RNF111: variants seen among roughly 807,000 people sequenced by gnomAD.
RNF111 encodes E3 ubiquitin-protein ligase Arkadia.
RNF111 carries 17 observed loss-of-function variants against 95.1 expected under a neutral mutation model. The observed-to-expected ratio is 0.18, with a 90% CI of 0.12 to 0.27. The LOEUF is 0.27. RNF111 is among the 10% of genes least tolerant of loss of function. The pLI is 1.00. For synonymous variants in RNF111, 440 were observed against 414.8 expected, an observed-to-expected ratio of 1.06 and a Z score of -0.74; for missense variants, 1,189 against 1,210.4, an observed-to-expected ratio of 0.98 and a Z score of 0.26.
chr15:59,087,960 G>T (rs1365616648), intron 10 of RNF111, among the ~76,000 whole-genome samples: 1 of 152,148 alleles, frequency 6.6e-6, no homozygotes, highest in Non-Finnish European at 1.5e-5. Context: ...CTTAGATTAC[G>T]TACGGTAAGG....
chr15:59,065,717 A>C (rs1375291839), intron 5 of RNF111, among the ~76,000 whole-genome samples: 3 of 152,164 alleles, frequency 2.0e-5, no homozygotes, highest in African/African-American at 7.2e-5. Flanking sequence ...GAAGGAAAAA[A>C]GATAATGGCC....
At chr15:59,075,094 A>G (rs1207635892) in intron 6 of RNF111, among the ~76,000 whole-genome samples, 3 of 152,236 alleles carry the variant, frequency 2.0e-5, no homozygotes, top group East Asian at 3.8e-4. Context: ...CTACTCATCA[A>G]ATATCACCAT....
At chr15:59,002,299 C>T (rs1253902182) in intron 1 of RNF111, among the ~76,000 whole-genome samples, 1 of 152,260 alleles carries the variant, frequency 6.6e-6, no homozygotes, top group East Asian at 1.9e-4. Flanking sequence ...TTTTAAAGAT[C>T]AACTCTTAAA....
chr15:59,029,812 A>G (rs1267643704), intron 1 of RNF111, among the ~76,000 whole-genome samples: 1 of 152,184 alleles, frequency 6.6e-6, no homozygotes, highest in Non-Finnish European at 1.5e-5. Context: ...CCAGTTACAT[A>G]GAGGTGTTCA....
intron 2 of RNF111, among the ~76,000 whole-genome samples, chr15:59,033,822 A>G (rs558744420): frequency 1.3e-5 from 2 of 152,292 alleles, no homozygotes; most frequent in South Asian, 4.1e-4. Context: ...GTTATTTTTA[A>G]CTACATTATT....
chr15:59,042,196 G>A (rs554025292), intron 2 of RNF111, among the ~76,000 whole-genome samples: 109 of 151,486 alleles, frequency 7.2e-4, no homozygotes, highest in South Asian at 1.0e-3. Flanking sequence ...TTGCTGCCTC[G>A]GCTCATTGCA....
At chr15:59,069,606 G>A (rs1479611944) in intron 6 of RNF111, among the ~76,000 whole-genome samples, 1 of 152,096 alleles carries the variant, frequency 6.6e-6, no homozygotes, top group African/African-American at 2.4e-5. Flanking sequence ...TATTTGGACT[G>A]CAAACAAAAC....
At chr15:59,068,009 T>C (rs1050867056) in intron 6 of RNF111, among the ~76,000 whole-genome samples, 1 of 152,242 alleles carries the variant, frequency 6.6e-6, no homozygotes, top group Non-Finnish European at 1.5e-5. Flanking sequence ...AAATTAGTAT[T>C]GGCAATCACG....
At chr15:59,072,600 G>C (rs1033126969) in intron 6 of RNF111, among the ~76,000 whole-genome samples, 1 of 151,558 alleles carries the variant, frequency 6.6e-6, no homozygotes. Flanking sequence ...ACAGGTGCCC[G>C]CCACCACGCC....
At chr15:58,993,303 G>A (rs1241186541) in intron 1 of RNF111, among the ~76,000 whole-genome samples, 3 of 152,208 alleles carry the variant, frequency 2.0e-5, no homozygotes, top group Non-Finnish European at 4.4e-5. Flanking sequence ...GACATCAGGA[G>A]TTCGAGACCA....
chr15:59,064,567 C>T (rs1438686786), intron 5 of RNF111, among the ~76,000 whole-genome samples: 2 of 144,716 alleles, frequency 1.4e-5, no homozygotes, highest in South Asian at 2.2e-4. Flanking sequence ...AATAATTTGT[C>T]GACTTTGTTT....
At chr15:59,071,738 T>A (rs1359504924) in intron 6 of RNF111, among the ~76,000 whole-genome samples, 1 of 151,246 alleles carries the variant, frequency 6.6e-6, no homozygotes, top group Non-Finnish European at 1.5e-5. Flanking sequence ...TACTGATGAG[T>A]GGAAGTGGAA....
At chr15:59,092,444 T>C in intron 12 of RNF111, 93 bp from the exon 13 acceptor site, 2 of 1,368,722 alleles carry the variant, frequency 1.5e-6, no homozygotes, top group Non-Finnish European at 9.6e-7. Context: ...TGTGGTTTTG[T>C]TTTGTTTTGT....
chr15:59,044,125 G>A lies in RNF111; in HGVS notation c.881-8180G>A, dbSNP rs538826576. ...GGCTCACTGCAACCCCCACCTCCCGGGTTCAAGCGATTCTCCTGCCTCAGC... is the reference window on the plus strand; with the variant it reads ...GGCTCACTGCAACCCCCACCTCCCGAGTTCAAGCGATTCTCCTGCCTCAGC... On this transcript the variant is annotated intron_variant, in intron 2 of 13. Transcript: ENST00000348370. 5.3e-5 allele frequency among the ~76,000 whole-genome samples: 8 copies of A among 152,212 alleles called. No individual in the cohort carries two copies. In the East Asian group the frequency reaches 1.3e-3, roughly 26 times the overall value.
chr15:59,079,667 T>G (rs1173228812), intron 7 of RNF111, among the ~76,000 whole-genome samples: 3 of 152,100 alleles, frequency 2.0e-5, no homozygotes, highest in Admixed American at 1.3e-4. Flanking sequence ...TTTTTTTTTT[T>G]TTTACATGTC....
intron 1 of RNF111, among the ~76,000 whole-genome samples, chr15:59,012,980 C>T (rs1264269573): frequency 7.2e-5 from 11 of 152,132 alleles, no homozygotes; most frequent in Non-Finnish European, 2.9e-5. Flanking sequence ...CTCAGGTGAT[C>T]CACCTGCCTT....
At chr15:59,056,414 A>C (rs1399611014) in intron 4 of RNF111, among the ~76,000 whole-genome samples, 2 of 152,222 alleles carry the variant, frequency 1.3e-5, no homozygotes, top group Non-Finnish European at 2.9e-5. Context: ...TATATGAATG[A>C]ATACATATGT....
intron 8 of RNF111, among the ~76,000 whole-genome samples, chr15:59,081,941 T>C (rs1881331639): frequency 6.6e-6 from 1 of 152,106 alleles, no homozygotes; most frequent in Admixed American, 6.5e-5. Flanking sequence ...GAAAGGATCG[T>C]CTGAGCCCAG....
Position 59,030,872 on chromosome 15 carries a change from A to T in RNF111, c.50A>T (p.Asp17Val), listed in dbSNP as rs2040870687. 3 of 1,614,038 alleles carry T rather than the reference A, an allele frequency of 1.9e-6. No individual in the cohort carries two copies. The highest frequency in any genetic ancestry group is 2.5e-6 in the Non-Finnish European group (3 of 1,179,902). Reference protein sequence around the residue: ...EYNELYTLKVDMKSEIPSDAP... With the variant: ...EYNELYTLKVVMKSEIPSDAP... ...AACGAGCTCTACACCTTAAAAGTGG[A>T]TATGAAGAGTGAGATTCCTTCTGAT... is the stretch of plus-strand genomic sequence containing the variant. The change falls in exon 2 of 14, where the codon GAT becomes GTT. Residue 17 changes from aspartate to valine, a missense_variant. Physicochemically the swap from Asp to Val is radical, Grantham distance 152 (BLOSUM62 -3). Transcript: ENST00000348370.
Sources: gnomAD v4.1 joint callset for allele counts (sites outside exome capture counted in the v4.1 genomes callset) on GRCh38, gnomAD v4.1.1 for gene constraint, MANE v1.5 for transcripts, NCBI Gene and HGNC (gene_info 2026-07-23, HGNC 2026-07-21) for gene names.